GLIS3: variants seen among roughly 807,000 people sequenced by gnomAD.
GLIS3 encodes GLIS family zinc finger 3, also known as zinc finger protein GLIS3.
GLIS3 carries 53 observed loss-of-function variants against 78.6 expected under a neutral mutation model. The ratio of observed to expected loss-of-function variants is 0.67; its 90% confidence interval spans 0.54 to 0.85. GLIS3 has a LOEUF of 0.85. Among genes scored for constraint, GLIS3 ranks in the 40% least tolerant of loss-of-function variants. The probability of loss-of-function intolerance (pLI) is 0.00; values close to 1 mark genes in which losing one functional copy is unlikely to be tolerated. For synonymous variants in GLIS3, 684 were observed against 509.9 expected, an observed-to-expected ratio of 1.34 and a Z score of -4.60; for missense variants, 1,703 against 1,231.1, an observed-to-expected ratio of 1.38 and a Z score of -5.74.
chr9:3,845,284 T>A (rs983453756), intron 9 of GLIS3, among the ~76,000 whole-genome samples: 1 of 152,096 alleles, frequency 6.6e-6, no homozygotes, highest in African/African-American at 2.4e-5. Flanking sequence ...TGACTAAGTT[T>A]AAAAAAATCA....
At chr9:3,991,578 G>T (rs1298190664) in intron 4 of GLIS3, among the ~76,000 whole-genome samples, 1 of 151,220 alleles carries the variant, frequency 6.6e-6, no homozygotes, top group African/African-American at 2.4e-5. Flanking sequence ...TGGAACTATT[G>T]ATACTTTCAT....
intron 4 of GLIS3, among the ~76,000 whole-genome samples, chr9:3,966,743 G>A (rs536658128): frequency 4.6e-5 from 7 of 151,002 alleles, no homozygotes; most frequent in African/African-American, 9.7e-5. Context: ...AGCTGAGATC[G>A]CGCCACTGCA....
intron 1 of GLIS3, chr9:4,298,532 C>T: frequency 2.7e-6 from 1 of 374,710 alleles, no homozygotes; most frequent in South Asian, 2.0e-5. Context: ...AGGAGAGAGC[C>T]GGCGGCTCAC....
chr9:4,223,197 G>A (rs576096444), intron 2 of GLIS3, among the ~76,000 whole-genome samples: 3 of 152,240 alleles, frequency 2.0e-5, no homozygotes, highest in South Asian at 2.1e-4. Context: ...TTGAACATCC[G>A]CACTGCCTCT....
chr9:4,351,593 A>G (rs1263250015), upstream of GLIS3, among the ~76,000 whole-genome samples: 1 of 152,182 alleles, frequency 6.6e-6, no homozygotes, highest in Non-Finnish European at 1.5e-5. Context: ...AGATTTAGTG[A>G]AATTTTCATG....
intron 1 of GLIS3, among the ~76,000 whole-genome samples, chr9:4,287,709 C>G (rs910037081): frequency 2.4e-4 from 37 of 152,096 alleles, no homozygotes; most frequent in Non-Finnish European, 3.8e-4. Flanking sequence ...CATTTTTCAA[C>G]TCAACTTCCA....
At chr9:4,417,933 A>T in the GLIS3 span, among the ~76,000 whole-genome samples, 1 of 152,152 alleles carries the variant, frequency 6.6e-6, no homozygotes, top group Non-Finnish European at 1.5e-5. Flanking sequence ...GGGGTTGGGG[A>T]ACAATTGATA....
In GLIS3 at chr9:4,033,508, G is replaced by A. The variant is rs76789841; in HGVS notation, c.1710+84260C>T. ...TGGACGTGCAGACTCCCTATCCCATGGGGAAAAGAGAAGATGGAGAAGGGC... is the reference window on the plus strand; with the variant it reads ...TGGACGTGCAGACTCCCTATCCCATAGGGAAAAGAGAAGATGGAGAAGGGC... On this transcript the variant is annotated intron_variant, in intron 4 of 10. Transcript: ENST00000381971. 6.2e-3 allele frequency among the ~76,000 whole-genome samples: 945 copies of A among 152,186 alleles called. 10 individuals are homozygous for A. The highest frequency in any genetic ancestry group is 0.022 in the African/African-American group (902 of 41,534).
chr9:4,007,213 T>G (rs1279115597), intron 4 of GLIS3, among the ~76,000 whole-genome samples: 1 of 152,106 alleles, frequency 6.6e-6, no homozygotes. Flanking sequence ...CTGCCCAGCC[T>G]CAGAAGCCCC....
the GLIS3 span, among the ~76,000 whole-genome samples, chr9:4,481,569 C>G: frequency 6.6e-6 from 1 of 151,046 alleles, no homozygotes; most frequent in Non-Finnish European, 1.5e-5. Context: ...AATTCATTTC[C>G]CCATGTAATT....
At chr9:4,237,650 A>G (rs1822893328) in intron 2 of GLIS3, among the ~76,000 whole-genome samples, 1 of 152,226 alleles carries the variant, frequency 6.6e-6, no homozygotes, top group East Asian at 1.9e-4. Flanking sequence ...TACATTTAGA[A>G]GTACAGTTTG....
chr9:4,335,637 G>C (rs1282471674), intron 2 of GLIS3, among the ~76,000 whole-genome samples: 2 of 152,140 alleles, frequency 1.3e-5, no homozygotes, highest in Non-Finnish European at 2.9e-5. Flanking sequence ...ACCCTAAGTA[G>C]CCCGGGGTTA....
At chr9:4,229,279 T>A (rs1822049877) in intron 2 of GLIS3, among the ~76,000 whole-genome samples, 1 of 152,242 alleles carries the variant, frequency 6.6e-6, no homozygotes, top group Non-Finnish European at 1.5e-5. Context: ...AATTTTACCA[T>A]GCGCACATAC....
chr9:3,872,108 G>A (rs560263748), intron 8 of GLIS3, among the ~76,000 whole-genome samples: 34 of 152,206 alleles, frequency 2.2e-4, no homozygotes, highest in South Asian at 4.2e-4. Flanking sequence ...TTGCTAAAAC[G>A]TAACAAGAGT....
At chr9:4,399,588 T>G in the GLIS3 span, among the ~76,000 whole-genome samples, 7 of 152,248 alleles carry the variant, frequency 4.6e-5, no homozygotes, top group African/African-American at 1.7e-4. Flanking sequence ...ACGTTTAATC[T>G]TGTAATTTGT....
At chr9:4,314,262 G>T (rs1367746852) in intron 2 of GLIS3, among the ~76,000 whole-genome samples, 1 of 152,008 alleles carries the variant, frequency 6.6e-6, no homozygotes, top group Admixed American at 6.5e-5. Flanking sequence ...ATTAATGGCA[G>T]GATCAGAATT....
At chr9:3,878,024 T>A (rs916449513) in intron 8 of GLIS3, among the ~76,000 whole-genome samples, 3 of 152,312 alleles carry the variant, frequency 2.0e-5, no homozygotes. Context: ...CAGCCATGTA[T>A]GCCTGGATGC....
the GLIS3 span, among the ~76,000 whole-genome samples, chr9:4,399,226 G>C: frequency 1.3e-5 from 2 of 152,116 alleles, no homozygotes; most frequent in African/African-American, 4.8e-5. Context: ...ACCCTGATCT[G>C]ATCACTCTAC....
intron 4 of GLIS3, among the ~76,000 whole-genome samples, chr9:4,068,037 C>A (rs1468135234): frequency 6.6e-6 from 1 of 151,902 alleles, no homozygotes; most frequent in Non-Finnish European, 1.5e-5. Flanking sequence ...CTGAAAAAAT[C>A]CTCAAAAAAC....
Sources: allele counts gnomAD v4.1 joint callset (sites outside exome capture counted in the v4.1 genomes callset), GRCh38; gene constraint gnomAD v4.1.1; transcripts MANE v1.5; gene names NCBI Gene and HGNC (gene_info 2026-07-23, HGNC 2026-07-21).